Variants in EI24 observed in about 807,000 individuals in gnomAD.
EI24 encodes EI24 autophagy associated transmembrane protein.
In EI24, 21 loss-of-function variants were observed where a neutral mutation model predicts 48.6. The observed-to-expected ratio is 0.43, with a 90% CI of 0.31 to 0.62. The LOEUF is 0.62. Ranked by LOEUF, EI24 falls within the 20% of genes least tolerant of loss-of-function variation. The pLI is 0.10. For synonymous variants in EI24, 114 were observed against 145.5 expected, an observed-to-expected ratio of 0.78 and a Z score of 1.56; for missense variants, 280 against 410.5, an observed-to-expected ratio of 0.68 and a Z score of 2.75.
chr11:125,575,496 T>C (rs1938703381), intron 3 of EI24, 88 bp downstream of exon 3: 2 of 1,370,224 alleles, frequency 1.5e-6, no homozygotes, highest in South Asian at 3.3e-5. Context: ...TTTATTTCTT[T>C]TGTGCTTTTT....
At chr11:125,572,803 A>T (rs909686506) in intron 2 of EI24, among the ~76,000 whole-genome samples, 1 of 144,552 alleles carries the variant, frequency 6.9e-6, no homozygotes, top group Non-Finnish European at 1.5e-5. Context: ...CAGTATTGGG[A>T]CCCTAATCAT....
chr11:125,580,138 G>A lies in EI24; in HGVS notation c.607G>A (p.Val203Ile), dbSNP rs759742348. 2.5e-6 allele frequency: 4 copies of A among 1,613,936 alleles called. No individual in the cohort carries two copies. Among genetic ancestry groups the A allele is most frequent in the Admixed American group, 1.7e-5 (1 of 60,022 alleles). ...TCCCATCCATCTTGTCGGTCAGCTGGTTAGTCTCCTGCATATGTCCCTTCT... is the reference window on the plus strand; with the variant it reads ...TCCCATCCATCTTGTCGGTCAGCTGATTAGTCTCCTGCATATGTCCCTTCT... The part of the protein sequence containing the change: ...LFPIHLVGQL[V>I]SLLHMSLLYS... The change falls in exon 8 of 11, where the codon GTT becomes ATT. Residue 203 changes from valine (V) to isoleucine (I), a missense_variant. Coordinates refer to ENST00000278903, the MANE Select transcript of EI24 (RefSeq NM_004879.5).
intron 2 of EI24, chr11:125,574,736 A>G (rs1591354842): frequency 6.6e-6 from 1 of 152,510 alleles, no homozygotes. Context: ...CTTCTGCAGC[A>G]CATGTACTAA....
chr11:125,569,919 CAG>C (rs1298581449), intron 1 of EI24: 1 of 167,954 alleles, frequency 6.0e-6, no homozygotes, highest in Non-Finnish European at 1.3e-5. Flanking sequence ...CCCGTGGACT[CAG>C]AGGCAGCCCG....
Position 125,570,924 on chromosome 11 carries a change from CTGGAACTCTGAGGTGTT to C in EI24, c.-71+1354_-71+1370del, listed in dbSNP as rs550622626. Among the ~76,000 whole-genome samples, 30 of 152,290 alleles carry C rather than the reference CTGGAACTCTGAGGTGTT, an allele frequency of 2.0e-4. No homozygotes were observed. The South Asian group carries it at 5.8e-3, about 29-fold the overall frequency. On this transcript the variant is annotated intron_variant, in intron 1 of 10. Transcript: ENST00000278903. ...TGTCTGTATGGCTGTACCTACGCGA[CTGGAACTCTGAGGTGTT>C]TGTTTTCAGGAGGAAACAGTGGGAG... is the stretch of plus-strand genomic sequence containing the variant.
rs558694911 is a variant in EI24, at chr11:125,576,011, G to A, written c.189-244G>A. On this transcript the variant is annotated intron_variant, in intron 3 of 10. Transcript: ENST00000278903. ...TTGCCATGTTGGCCAGGCTGGTCTC[G>A]AACTCCTGACCTCAGTTGATCGCCT... 6.8e-5 allele frequency: 33 copies of A among 485,656 alleles called. 1 individual carries two copies. Among genetic ancestry groups the A allele is most frequent in the Middle Eastern group, 6.0e-4 (1 of 1,678 alleles). The allele number at this position is 485,656 out of a possible 1,614,324, so 30.1% of individuals were successfully genotyped here.
At chr11:125,581,378 C>T (rs1015144589) in intron 9 of EI24, 56 bp downstream of exon 9, 14 of 1,196,118 alleles carry the variant, frequency 1.2e-5, no homozygotes, top group African/African-American at 9.1e-5. Flanking sequence ...TTCATGAAGT[C>T]AGTGCCTTTT....
At chr11:125,582,561 T>C (rs1443123841) in intron 10 of EI24, 141 bp downstream of exon 10, 1 of 657,226 alleles carries the variant, frequency 1.5e-6, no homozygotes, top group African/African-American at 1.8e-5. Context: ...GAGAAACACT[T>C]CTGGGATATA....
chr11:125,578,695 C>G (rs1195201050), intron 6 of EI24, among the ~76,000 whole-genome samples: 3 of 151,996 alleles, frequency 2.0e-5, no homozygotes, highest in African/African-American at 7.3e-5. Flanking sequence ...TCTCAAACTC[C>G]TGACCTGCTG....
In EI24 at chr11:125,584,404, A is replaced by G. The variant is rs547806945; in HGVS notation, c.*721A>G. The G allele has an allele frequency of 6.5e-6, 1 of 152,772 alleles. No individual in the cohort carries two copies. Among genetic ancestry groups the G allele is most frequent in the East Asian group, 1.9e-4 (1 of 5,184 alleles). 9.5% of individuals were successfully genotyped at this position (152,772 alleles called of 1,614,324 possible). On this transcript the variant is annotated 3_prime_UTR_variant, in exon 11 of 11. Transcript: ENST00000278903. Reference sequence around the variant, plus strand: ...GTCCCCCAACTATGGGGAGGTACCAATTCTGGACAAGTGCCACTACAACAA... The same window carrying G: ...GTCCCCCAACTATGGGGAGGTACCAGTTCTGGACAAGTGCCACTACAACAA...
rs1038780560 is a variant in EI24, at chr11:125,578,951, T to C, written c.444T>C (p.Asp148=). The change falls in exon 7 of 11, where the codon GAT becomes GAC. Residue 148 remains aspartate (D), a splice_region_variant and synonymous_variant. Transcript: ENST00000278903. ...SKVVNAIWFQ[D]IADLAFEVSG... Reference sequence around the variant, plus strand: ...TTGGTACACTTTCTCTGTTACAGGATATAGCTGACCTGGCATTTGAGGTAT... The same window carrying C: ...TTGGTACACTTTCTCTGTTACAGGACATAGCTGACCTGGCATTTGAGGTAT... 3.8e-6 allele frequency: 6 copies of C among 1,580,356 alleles called. No individual in the cohort carries two copies. In the African/African-American group the frequency reaches 6.7e-5, roughly 18 times the overall value.
At chr11:125,574,379 G>A (rs112804233) in intron 2 of EI24, among the ~76,000 whole-genome samples, 20 of 152,106 alleles carry the variant, frequency 1.3e-4, no homozygotes, top group Admixed American at 3.3e-4. Flanking sequence ...TAGGCCCTCA[G>A]CCATTTGAAC....
chr11:125,576,053 G>A, intron 3 of EI24: 1 of 577,414 alleles, frequency 1.7e-6, no homozygotes, highest in Non-Finnish European at 3.1e-6. Flanking sequence ...GCCTCCCAAA[G>A]TGTTAGGATT....
At position 125,578,314 on chromosome 11, in the gene EI24, C is replaced by G. The variant is rs1158875353; in HGVS notation, c.441+57C>G. The G allele has an allele frequency of 1.1e-5, 18 of 1,610,120 alleles. No individual in the cohort carries two copies. In the Middle Eastern group the frequency reaches 5.0e-4, roughly 44 times the overall value. On this transcript the variant is annotated intron_variant, in intron 6 of 10. Transcript: ENST00000278903. Reference sequence around the variant, plus strand: ...CGCAGCATGATTGGCTGACAGGTGACAAGTTTCAGCCTGTGAAGTTAGTGG... The same window carrying G: ...CGCAGCATGATTGGCTGACAGGTGAGAAGTTTCAGCCTGTGAAGTTAGTGG...
intron 7 of EI24, among the ~76,000 whole-genome samples, chr11:125,579,845 G>C (rs1591359540): frequency 6.6e-6 from 1 of 152,016 alleles, no homozygotes; most frequent in South Asian, 2.1e-4. Flanking sequence ...AAATCTTGTT[G>C]TAGAGACAGG....
At position 125,584,303 on chromosome 11, in the gene EI24, A is replaced by T. The variant is rs1471111091; in HGVS notation, c.*620A>T. 1 of 143,676 alleles carries T rather than the reference A, an allele frequency of 7.0e-6. No individual in the cohort carries two copies. The highest frequency in any genetic ancestry group is 1.5e-5 in the Non-Finnish European group (1 of 65,894). The allele number at this position is 143,676 out of a possible 1,614,324, so 8.9% of individuals were successfully genotyped here. ...ATAGGAGGAAAGACCTCACAGCCAG[A>T]TCTGCTGGGTTTTGAGGAGTGATTT... On this transcript the variant is annotated 3_prime_UTR_variant, in exon 11 of 11. Transcript: ENST00000278903.
chr11:125,573,463 GC>G, intron 2 of EI24: 1 of 295,262 alleles, frequency 3.4e-6, no homozygotes, highest in South Asian at 2.9e-5. Flanking sequence ...TACCTTTATG[GC>G]CAGGGGAGGT....
chr11:125,575,213 C>A, intron 2 of EI24, 50 bp from the exon 3 acceptor site: 4 of 1,471,648 alleles, frequency 2.7e-6, no homozygotes, highest in Non-Finnish European at 3.7e-6. Flanking sequence ...GGTGACAAAG[C>A]AAGACCCTGT....
In EI24 at chr11:125,583,639, C is replaced by A; in HGVS notation, c.979C>A (p.Pro327Thr). 8.1e-6 allele frequency: 13 copies of A among 1,613,458 alleles called. No homozygotes were observed. Among genetic ancestry groups the A allele is most frequent in the Non-Finnish European group, 1.1e-5 (13 of 1,179,734 alleles). The stretch of plus-strand genomic sequence containing the variant: ...TACTTCTGCAGAGAAGTTCCCTTCA[C>A]CGCATCCGTCGCCTGCCAAACTGAA... The part of the protein sequence containing the change: ...SSTSAEKFPS[P>T]HPSPAKLKAT... Residue 327 changes from proline (P) to threonine (T), a missense_variant, in exon 11 of 11, where the codon CCG becomes ACG. Pro to Thr is a conservative substitution (Grantham distance 38). This residue lies in a region of EI24 where 62 missense variants were observed against 65.1 expected (regional missense o/e 0.95). Transcript: ENST00000278903.
Sources: gnomAD v4.1 joint callset for allele counts (sites outside exome capture counted in the v4.1 genomes callset) on GRCh38, gnomAD v4.1.1 for gene constraint, gnomAD v4.1.1 regional missense constraint, MANE v1.5 for transcripts, NCBI Gene and HGNC (gene_info 2026-07-23, HGNC 2026-07-21) for gene names.